The following SCUBE1 variants were observed in gnomAD, a reference collection of about 807,000 sequenced individuals.
SCUBE1 encodes the protein signal peptide, CUB and EGF-like domain-containing protein 1.
A neutral mutation model predicts 124.4 loss-of-function variants in SCUBE1; 59 were observed. That is an observed-to-expected ratio of 0.47 (90% confidence interval 0.38 to 0.59). SCUBE1 has a LOEUF of 0.59. Ranked by LOEUF, SCUBE1 falls within the 20% of genes least tolerant of loss-of-function variation. The probability of loss-of-function intolerance (pLI) is 0.00; values close to 1 mark genes in which losing one functional copy is unlikely to be tolerated. For synonymous variants in SCUBE1, 545 were observed against 550.9 expected (o/e 0.99, Z 0.15); for missense variants, 1,150 against 1,371.2 (o/e 0.84, Z 2.55).
At chr22:43,341,486 T>C (rs1051782416) in intron 1 of SCUBE1, among the ~76,000 whole-genome samples, 1 of 152,092 alleles carries the variant, frequency 6.6e-6, no homozygotes, top group African/African-American at 2.4e-5. Flanking sequence ...TATGTAGGAA[T>C]GAGGGGTGGG....
chr22:43,257,295 C>T (rs1344259018), intron 6 of SCUBE1, among the ~76,000 whole-genome samples: 19 of 151,976 alleles, frequency 1.3e-4, no homozygotes, highest in Non-Finnish European at 5.9e-5. Context: ...TCCAGATTGA[C>T]GATAAGAAAT....
chr22:43,270,943 C>T (rs1206700489), intron 4 of SCUBE1, among the ~76,000 whole-genome samples: 2 of 152,284 alleles, frequency 1.3e-5, no homozygotes, highest in South Asian at 2.1e-4. Flanking sequence ...CTGCCACCTG[C>T]CTCTCCAGCT....
chr22:43,305,297 G>A (rs1569022971), intron 3 of SCUBE1, among the ~76,000 whole-genome samples: 1 of 152,182 alleles, frequency 6.6e-6, no homozygotes, highest in African/African-American at 2.4e-5. Context: ...CTTTTCTCTG[G>A]ATTTCTCTGA....
chr22:43,214,010 C>T (rs915511579), intron 16 of SCUBE1, 80 bp downstream of exon 16: 16 of 1,310,782 alleles, frequency 1.2e-5, no homozygotes, highest in African/African-American at 1.5e-5. Flanking sequence ...CCTGGGCCTT[C>T]GACAGGAGGG....
At chr22:43,250,908 T>G (rs1923419642) in intron 6 of SCUBE1, among the ~76,000 whole-genome samples, 1 of 152,202 alleles carries the variant, frequency 6.6e-6, no homozygotes, top group South Asian at 2.1e-4. Context: ...TCAGGCCTGT[T>G]CTGCTCCTAA....
chr22:43,256,785 A>G (rs9620131), intron 6 of SCUBE1, among the ~76,000 whole-genome samples: 278 of 152,268 alleles, frequency 1.8e-3, no homozygotes, highest in African/African-American at 6.5e-3. Flanking sequence ...GACAGGAGGG[A>G]GGCTGGGTGG....
chr22:43,257,831 G>A (rs966880752), intron 6 of SCUBE1, among the ~76,000 whole-genome samples: 1 of 152,212 alleles, frequency 6.6e-6, no homozygotes, highest in Admixed American at 6.5e-5. Context: ...TATTAGGGGA[G>A]GAAACACCTG....
chr22:43,305,162 A>T (rs1440472421), intron 3 of SCUBE1, among the ~76,000 whole-genome samples: 1 of 152,198 alleles, frequency 6.6e-6, no homozygotes, highest in African/African-American at 2.4e-5. Context: ...AGCGGCACAT[A>T]AACCTCAATG....
intron 15 of SCUBE1, 86 bp downstream of exon 15, chr22:43,218,169 C>G (rs1921920381): frequency 4.7e-5 from 62 of 1,330,094 alleles, no homozygotes; most frequent in Non-Finnish European, 6.6e-5. Flanking sequence ...GTGTCTGTCT[C>G]ACCTGCGTGC....
intron 4 of SCUBE1, among the ~76,000 whole-genome samples, chr22:43,286,673 CTT>C (rs1041736740): frequency 1.3e-5 from 2 of 152,234 alleles, no homozygotes; most frequent in African/African-American, 4.8e-5. Flanking sequence ...TACAGGAACT[CTT>C]AGGACCCCTA....
chr22:43,319,835 G>A, intron 3 of SCUBE1, 102 bp downstream of exon 3: 2 of 1,432,496 alleles, frequency 1.4e-6, no homozygotes, highest in East Asian at 2.3e-5. Context: ...AATACAGGAA[G>A]CCAAAGGAAG....
chr22:43,331,456 A>G (rs1926900010), intron 2 of SCUBE1, among the ~76,000 whole-genome samples: 1 of 152,226 alleles, frequency 6.6e-6, no homozygotes, highest in African/African-American at 2.4e-5. Flanking sequence ...AACCACTTGA[A>G]TAAATGGTTT....
intron 17 of SCUBE1, 72 bp downstream of exon 17, chr22:43,212,353 C>A: frequency 1.4e-6 from 2 of 1,472,364 alleles, no homozygotes; most frequent in Non-Finnish European, 9.2e-7. Context: ...GAGAGGGGTT[C>A]GGGGAAGCCT....
intron 2 of SCUBE1, among the ~76,000 whole-genome samples, chr22:43,324,704 A>G (rs1024599248): frequency 6.6e-6 from 1 of 152,062 alleles, no homozygotes; most frequent in East Asian, 1.9e-4. Flanking sequence ...CAAGACACTC[A>G]TCAGGCTCAG....
intron 10 of SCUBE1, among the ~76,000 whole-genome samples, chr22:43,226,411 T>C (rs1424100232): frequency 6.9e-6 from 1 of 145,528 alleles, no homozygotes; most frequent in Non-Finnish European, 1.5e-5. Context: ...AAGGGAGGAG[T>C]GAGGAGTGCT....
At position 43,231,737 on chromosome 22, in the gene SCUBE1, C is replaced by T; in HGVS notation, c.967+16G>A. ...CGCTGGGCCCGAGAGCCACCCGGGG[C>T]ATGGCAGGGGCTCACCCTGGCAGGT... On this transcript the variant is annotated intron_variant, in intron 8 of 21. Transcript: ENST00000360835. The T allele has an allele frequency of 1.3e-6, 2 of 1,566,836 alleles. No homozygotes were observed. Among genetic ancestry groups the T allele is most frequent in the Non-Finnish European group, 1.7e-6 (2 of 1,155,258 alleles).
rs896208918 is a variant in SCUBE1, at chr22:43,234,053, C to T, written c.845-2178G>A. Reference sequence around the variant, plus strand: ...TCCGAACCCAAAGACGGGCCTGCTGCAGCACATCACGCTGGCCCTGCAGCC... The same window carrying T: ...TCCGAACCCAAAGACGGGCCTGCTGTAGCACATCACGCTGGCCCTGCAGCC... On this transcript the variant is annotated intron_variant, in intron 7 of 21. Transcript: ENST00000360835. The surrounding 1 kb of genome is among the most constrained non-coding windows in gnomAD (Gnocchi z 4.4). Among the ~76,000 whole-genome samples the T allele has an allele frequency of 1.3e-5, 2 of 152,058 alleles. No individual in the cohort carries two copies. The highest frequency in any genetic ancestry group is 4.8e-5 in the African/African-American group (2 of 41,412).
intron 3 of SCUBE1, 58 bp downstream of exon 3, chr22:43,319,879 T>C (rs1601888248): frequency 1.3e-6 from 2 of 1,595,172 alleles, no homozygotes; most frequent in Non-Finnish European, 1.7e-6. Flanking sequence ...CTCTGTAAGC[T>C]GGAGCAAAGC....
In SCUBE1 at chr22:43,229,111, GAC is replaced by G; in HGVS notation, c.1043_1044del (p.Cys348SerfsTer26). ...GTCCCGTAGAGGATGTAGCCGCGGT[GAC>G]ACAGGCACTGGAAGCTGCCCGGGGA... is the stretch of plus-strand genomic sequence containing the variant. ...INSPGSFQCL[C>X]HRGYILYGTT... On this transcript the variant is annotated frameshift_variant, in exon 9 of 22. Coordinates refer to ENST00000360835, the MANE Select transcript of SCUBE1 (RefSeq NM_173050.5). LOFTEE classifies it high-confidence loss of function. 2 of 1,613,944 alleles carry G rather than the reference GAC, an allele frequency of 1.2e-6. No homozygotes were observed. Among genetic ancestry groups the G allele is most frequent in the South Asian group, 1.1e-5 (1 of 91,080 alleles).
Sources: gnomAD v4.1 joint callset for allele counts (sites outside exome capture counted in the v4.1 genomes callset) on GRCh38, gnomAD v4.1.1 for gene constraint, Gnocchi (gnomAD v3.1) non-coding constraint, MANE v1.5 for transcripts, NCBI Gene and HGNC (gene_info 2026-07-23, HGNC 2026-07-21) for gene names.